Variants in SLC16A7 observed in about 807,000 individuals in gnomAD.
SLC16A7 encodes solute carrier family 16 member 7, also known as monocarboxylate transporter 2.
A neutral mutation model predicts 34.9 loss-of-function variants in SLC16A7; 33 were observed. That is an observed-to-expected ratio of 0.94 (90% CI 0.72 to 1.26). The LOEUF is 1.26. Among genes scored for constraint, SLC16A7 ranks in the 50% most tolerant of loss-of-function variants. SLC16A7 has a pLI of 0.00. For synonymous variants in SLC16A7, 201 were observed against 206.6 expected, an observed-to-expected ratio of 0.97 and a Z score of 0.23; for missense variants, 573 against 578.1, an observed-to-expected ratio of 0.99 and a Z score of 0.09.
chr12:59,661,001 T>C (rs530939651), intron 2 of SLC16A7, among the ~76,000 whole-genome samples: 1 of 152,224 alleles, frequency 6.6e-6, no homozygotes, highest in African/African-American at 2.4e-5. Flanking sequence ...TCTACTATAA[T>C]TGGCAATAGC....
intron 2 of SLC16A7, among the ~76,000 whole-genome samples, chr12:59,666,057 T>C (rs529472682): frequency 9.9e-5 from 15 of 152,118 alleles, no homozygotes; most frequent in Non-Finnish European, 1.9e-4. Flanking sequence ...ATTTTACAAT[T>C]GGAGTTTGGA....
chr12:59,775,937 A>C (rs1054375878), intron 5 of SLC16A7, among the ~76,000 whole-genome samples: 3 of 152,184 alleles, frequency 2.0e-5, no homozygotes, highest in African/African-American at 7.2e-5. Flanking sequence ...ATGCTGAGAA[A>C]ATACATTTAT....
chr12:59,657,726 C>T (rs139296616), intron 2 of SLC16A7, among the ~76,000 whole-genome samples: 3 of 151,862 alleles, frequency 2.0e-5, no homozygotes, highest in African/African-American at 7.3e-5. Flanking sequence ...TTAATTAATT[C>T]GACCAACATG....
intron 3 of SLC16A7, among the ~76,000 whole-genome samples, chr12:59,746,743 A>G (rs933484997): frequency 6.6e-6 from 1 of 152,226 alleles, no homozygotes; most frequent in African/African-American, 2.4e-5. Context: ...AACATAATTA[A>G]GAAATTTATG....
intron 3 of SLC16A7, among the ~76,000 whole-genome samples, chr12:59,751,493 G>A (rs909397527): frequency 1.3e-5 from 2 of 152,250 alleles, no homozygotes; most frequent in African/African-American, 4.8e-5. Context: ...ATGGAGCCTT[G>A]CTGATTGCTA....
At chr12:59,752,947 T>C (rs1879774624) in intron 3 of SLC16A7, among the ~76,000 whole-genome samples, 1 of 152,212 alleles carries the variant, frequency 6.6e-6, no homozygotes, top group South Asian at 2.1e-4. Flanking sequence ...TGGAGGCCAA[T>C]ATTCAACATT....
chr12:59,750,546 A>T (rs1879404745), intron 3 of SLC16A7, among the ~76,000 whole-genome samples: 1 of 152,192 alleles, frequency 6.6e-6, no homozygotes, highest in Non-Finnish European at 1.5e-5. Flanking sequence ...CGATCATTAA[A>T]AAGTCAGGAA....
Position 59,784,374 on chromosome 12 carries a change from T to G in SLC16A7, c.*4695T>G, listed in dbSNP as rs1375755493. The G allele has an allele frequency of 6.6e-6, 1 of 151,694 alleles. No homozygotes were observed. The highest frequency in any genetic ancestry group is 1.9e-4 in the East Asian group (1 of 5,168). 9.4% of individuals were successfully genotyped at this position (151,694 alleles called of 1,614,324 possible). A position where few individuals can be genotyped will look rare whatever the true frequency, so the allele number is the denominator to read the frequency against. On this transcript the variant is annotated 3_prime_UTR_variant, in exon 6 of 6. Transcript: ENST00000547379. ...GCAATAGAGTGAGAATCTGTCTCTA[T>G]TAAAAAAAAAATAAAATGTTCTTAC...
intron 3 of SLC16A7, among the ~76,000 whole-genome samples, chr12:59,753,153 G>A (rs1879807269): frequency 1.3e-5 from 2 of 152,170 alleles, no homozygotes; most frequent in Non-Finnish European, 2.9e-5. Flanking sequence ...GCAAAATCAT[G>A]CCAAATTGTA....
chr12:59,599,692 T>G (rs1878592792), intron 1 of SLC16A7, among the ~76,000 whole-genome samples: 1 of 152,216 alleles, frequency 6.6e-6, no homozygotes. Context: ...CGGCAAAGAA[T>G]AATTACATTC....
intron 2 of SLC16A7, among the ~76,000 whole-genome samples, chr12:59,704,002 G>C (rs531507033): frequency 5.9e-4 from 90 of 151,714 alleles, no homozygotes; most frequent in Admixed American, 2.6e-3. Flanking sequence ...AGGAGTTCGA[G>C]ACCAGCTTGG....
intron 1 of SLC16A7, among the ~76,000 whole-genome samples, chr12:59,604,503 T>G (rs1405504762): frequency 1.3e-5 from 2 of 152,212 alleles, no homozygotes; most frequent in Non-Finnish European, 2.9e-5. Context: ...ATAAGTGAAT[T>G]TAAGGACATT....
At chr12:59,603,624 TTTGACATTGTATAATAGAATGTC>T (rs1374671141) in intron 1 of SLC16A7, among the ~76,000 whole-genome samples, 10 of 152,334 alleles carry the variant, frequency 6.6e-5, no homozygotes, top group African/African-American at 2.4e-4. Context: ...TAATGTCTTA[TTTGACATTGTATAATAGAATGTC>T]TTGACATTCT....
chr12:59,760,757 G>A (rs1381905696), intron 3 of SLC16A7, among the ~76,000 whole-genome samples: 1 of 151,934 alleles, frequency 6.6e-6, no homozygotes. Flanking sequence ...AGGACAACAC[G>A]AGATTTTATC....
In SLC16A7 at chr12:59,788,518, T is replaced by C. The variant is rs551662800; in HGVS notation, c.*8839T>C. On this transcript the variant is annotated 3_prime_UTR_variant, in exon 6 of 6. Transcript: ENST00000547379. ...CTTGACACCTAAATGATCCAAACAGTTGTTTTTACATGACTTAAATCATGG... is the reference window on the plus strand; with the variant it reads ...CTTGACACCTAAATGATCCAAACAGCTGTTTTTACATGACTTAAATCATGG... The C allele has an allele frequency of 1.3e-5, 2 of 152,218 alleles. No homozygotes were observed. The highest frequency in any genetic ancestry group is 4.1e-4 in the South Asian group (2 of 4,830). 9.4% of individuals were successfully genotyped at this position (152,218 alleles called of 1,614,324 possible).
intron 1 of SLC16A7, among the ~76,000 whole-genome samples, chr12:59,650,019 C>A (rs1332124627): frequency 1.3e-5 from 2 of 151,960 alleles, no homozygotes; most frequent in Non-Finnish European, 2.9e-5. Context: ...TAATATTTCA[C>A]TTTTTCAAGG....
chr12:59,687,110 C>T (rs2137085351), intron 2 of SLC16A7, among the ~76,000 whole-genome samples: 1 of 151,704 alleles, frequency 6.6e-6, no homozygotes, highest in East Asian at 1.9e-4. Context: ...AAAAAAAATG[C>T]TAAAGTCATA....
chr12:59,597,271 G>A (rs1336586411), intron 1 of SLC16A7: 11 of 135,556 alleles, frequency 8.1e-5, no homozygotes, highest in South Asian at 7.3e-4. Context: ...ACACACACAC[G>A]AGACATAGAA....
intron 1 of SLC16A7, among the ~76,000 whole-genome samples, chr12:59,616,755 C>T (rs962504743): frequency 8.6e-5 from 13 of 151,980 alleles, no homozygotes; most frequent in Non-Finnish European, 4.4e-5. Flanking sequence ...ATTTTATTTC[C>T]AGAGTGAGCC....
Sources: allele counts gnomAD v4.1 joint callset (sites outside exome capture counted in the v4.1 genomes callset), GRCh38; gene constraint gnomAD v4.1.1; transcripts MANE v1.5; gene names NCBI Gene and HGNC (gene_info 2026-07-23, HGNC 2026-07-21).